Variants in CMSS1 observed in about 807,000 individuals in gnomAD.
CMSS1 encodes protein CMSS1.
In CMSS1, 33 loss-of-function variants were observed where a neutral mutation model predicts 43.5. The observed-to-expected ratio is 0.76, with a 90% CI of 0.57 to 1.01. The LOEUF (loss-of-function observed/expected upper bound fraction) is 1.01. Ranked by LOEUF, CMSS1 falls within the 50% of genes least tolerant of loss-of-function variation. The pLI is 0.00. For missense variants in CMSS1, 313 were observed against 326.4 expected (o/e 0.96, Z 0.32); for synonymous variants, 115 against 117.2 (o/e 0.98, Z 0.12).
intron 1 of CMSS1, chr3:99,849,760 A>G (rs754976384): frequency 1.2e-6 from 2 of 1,613,456 alleles, no homozygotes; most frequent in Non-Finnish European, 1.7e-6. Flanking sequence ...CATGTCCTTT[A>G]GCTTCAGTTT....
At chr3:100,044,004 G>A (rs1186677000) in intron 1 of CMSS1, among the ~76,000 whole-genome samples, 1 of 152,142 alleles carries the variant, frequency 6.6e-6, no homozygotes, top group Non-Finnish European at 1.5e-5. Context: ...CACGTTGTTG[G>A]AAGGACAGAA....
chr3:99,888,671 A>G (rs1705986507), intron 1 of CMSS1, among the ~76,000 whole-genome samples: 1 of 152,188 alleles, frequency 6.6e-6, no homozygotes, highest in Admixed American at 6.5e-5. Flanking sequence ...GTGGAAGGTA[A>G]AGTAGAGAAA....
At chr3:99,924,543 G>A in intron 1 of CMSS1, 1 of 884,528 alleles carries the variant, frequency 1.1e-6, no homozygotes, top group Admixed American at 2.5e-5. Context: ...TTTTGAAACA[G>A]TTTTCGCTGT....
chr3:100,134,819 A>G (rs1052998261), intron 1 of CMSS1, among the ~76,000 whole-genome samples: 4 of 152,228 alleles, frequency 2.6e-5, no homozygotes, highest in Non-Finnish European at 5.9e-5. Flanking sequence ...ATAAAGCCCA[A>G]TGGATTCTAA....
chr3:100,095,564 A>G (rs948417886), intron 1 of CMSS1, among the ~76,000 whole-genome samples: 1 of 152,184 alleles, frequency 6.6e-6, no homozygotes, highest in Non-Finnish European at 1.5e-5. Flanking sequence ...CTGGACATTT[A>G]TGTGCAGAAG....
At chr3:99,875,790 A>G (rs559368682) in intron 1 of CMSS1, among the ~76,000 whole-genome samples, 1 of 152,322 alleles carries the variant, frequency 6.6e-6, no homozygotes, top group African/African-American at 2.4e-5. Context: ...GCAGGATTCA[A>G]TGTGTAGCTC....
rs547816295 is a variant in CMSS1 at position 99,930,234 on chromosome 3, T to G, written c.64+112191T>G. On this transcript the variant is annotated intron_variant, in intron 1 of 9. Coordinates refer to ENST00000421999, the MANE Select transcript of CMSS1 (RefSeq NM_032359.4). The stretch of plus-strand genomic sequence containing the variant: ...ATTACACAATTAATGTTTTAAAAAG[T>G]GATTACTATACAACATTGGAGGACT... Among the ~76,000 whole-genome samples, 4 of 152,354 alleles carry G rather than the reference T, an allele frequency of 2.6e-5. No individual in the cohort carries two copies. The East Asian group carries it at 7.7e-4, about 29-fold the overall frequency.
chr3:100,118,938 A>G (rs1015897288), intron 1 of CMSS1, among the ~76,000 whole-genome samples: 22 of 152,190 alleles, frequency 1.4e-4, no homozygotes, highest in African/African-American at 4.8e-4. Context: ...GAAGGGAAAT[A>G]TCAAGAAAAA....
chr3:99,973,181 C>T (rs1461703138), intron 1 of CMSS1, among the ~76,000 whole-genome samples: 4 of 152,156 alleles, frequency 2.6e-5, no homozygotes, highest in African/African-American at 9.7e-5. Context: ...AGTGAATTCT[C>T]TGAAAAACTA....
At chr3:99,908,855 A>G (rs1706704445) in intron 1 of CMSS1, among the ~76,000 whole-genome samples, 1 of 152,080 alleles carries the variant, frequency 6.6e-6, no homozygotes, top group Admixed American at 6.5e-5. Flanking sequence ...TCTACCATCT[A>G]CAAAAAAAAA....
At position 100,161,903 on chromosome 3, in the gene CMSS1, C is replaced by G. The variant is rs2067026777; in HGVS notation, c.226-400C>G. Among the ~76,000 whole-genome samples, 4 of 152,112 alleles carry G rather than the reference C, an allele frequency of 2.6e-5. No individual in the cohort carries two copies. The South Asian group carries it at 8.3e-4, about 32-fold the overall frequency. ...AGAAATCCAAACTAAGACTCAGCAC[C>G]TCAAAAACCAGATTGGGCAAGAAAT... On this transcript the variant is annotated intron_variant, in intron 3 of 9. Transcript: ENST00000421999.
chr3:99,830,413 G>C, intron 1 of CMSS1: 2 of 440,560 alleles, frequency 4.5e-6, no homozygotes, highest in East Asian at 7.0e-5. Flanking sequence ...ATTGGTATGA[G>C]TTACCTTCTC....
chr3:99,984,744 T>C (rs1709280964), intron 1 of CMSS1, among the ~76,000 whole-genome samples: 1 of 152,234 alleles, frequency 6.6e-6, no homozygotes, highest in African/African-American at 2.4e-5. Flanking sequence ...GAAAGATCTA[T>C]GTTTTACTCA....
chr3:100,042,043 T>G (rs1282900947), intron 1 of CMSS1, among the ~76,000 whole-genome samples: 1 of 152,168 alleles, frequency 6.6e-6, no homozygotes, highest in Admixed American at 6.5e-5. Flanking sequence ...TGCTCCCCTT[T>G]CTCTTTATTT....
At chr3:99,850,943 C>T in intron 1 of CMSS1, 2 of 1,614,198 alleles carry the variant, frequency 1.2e-6, no homozygotes, top group African/African-American at 1.3e-5. Context: ...CTTTGCTGTT[C>T]ATCCACCACC....
intron 1 of CMSS1, among the ~76,000 whole-genome samples, chr3:99,908,589 C>G (rs1706694616): frequency 6.6e-6 from 1 of 152,158 alleles, no homozygotes. Flanking sequence ...ATTCTCCTCT[C>G]CAGTTACTAG....
rs116577695 is a variant in CMSS1, at chr3:99,864,921, C to T, written c.64+46878C>T. 3.9e-3 allele frequency among the ~76,000 whole-genome samples: 596 copies of T among 152,208 alleles called. 2 individuals are homozygous for T. Among genetic ancestry groups the T allele is most frequent in the African/African-American group, 0.014 (570 of 41,528 alleles). The stretch of plus-strand genomic sequence containing the variant: ...TGGTGTGTGTGTATGTGCGCACACA[C>T]GCATCTCATTCAATGATTAGTCAAT... On this transcript the variant is annotated intron_variant, in intron 1 of 9. Transcript: ENST00000421999.
chr3:100,123,380 G>T (rs1018873514), intron 1 of CMSS1, among the ~76,000 whole-genome samples: 2 of 152,202 alleles, frequency 1.3e-5, no homozygotes, highest in Admixed American at 6.5e-5. Context: ...GGAGGCAGTG[G>T]GATTGAAGGA....
chr3:100,072,047 C>T (rs1423849526), intron 1 of CMSS1, among the ~76,000 whole-genome samples: 2 of 152,252 alleles, frequency 1.3e-5, no homozygotes, highest in Non-Finnish European at 2.9e-5. Flanking sequence ...TAGGATAAAA[C>T]TGTCATCTTT....
Sources: allele counts gnomAD v4.1 joint callset (sites outside exome capture counted in the v4.1 genomes callset), GRCh38; gene constraint gnomAD v4.1.1; transcripts MANE v1.5; gene names NCBI Gene and HGNC (gene_info 2026-07-23, HGNC 2026-07-21).